Variants in ZNF112 observed in about 807,000 individuals in gnomAD.
The protein encoded by ZNF112 is zinc finger protein 112 (Y14).
A neutral mutation model predicts 77.7 loss-of-function variants in ZNF112; 37 were observed. The ratio of observed to expected loss-of-function variants is 0.48; its 90% CI spans 0.37 to 0.63. The LOEUF (loss-of-function observed/expected upper bound fraction) is 0.63, where lower values mean the gene tolerates loss of function less well. Ranked by LOEUF, ZNF112 falls within the 20% of genes least tolerant of loss-of-function variation. ZNF112 has a pLI of 0.00. For missense variants in ZNF112, 950 were observed against 1,077.4 expected (o/e 0.88, Z 1.66); for synonymous variants, 333 against 363.6 (o/e 0.92, Z 0.96).
In ZNF112 at chr19:44,329,024, T is replaced by C. The variant is rs1404346991; in HGVS notation, c.1133A>G (p.Asp378Gly). 1.9e-6 allele frequency: 3 copies of C among 1,613,936 alleles called. No homozygotes were observed. Among genetic ancestry groups the C allele is most frequent in the Admixed American group, 3.3e-5 (2 of 59,960 alleles). ...ATTTTCCTCATATTCATGGGGTTCA[T>C]CCCTAGTATGGACCCTAAAAATACT... is the stretch of plus-strand genomic sequence containing the variant. ...LNSIFRVHTRDEPHEYEENEN... is the reference protein window; with the variant it reads ...LNSIFRVHTRGEPHEYEENEN... The change falls in exon 4 of 4, where the codon GAT (aspartate) becomes GGT (glycine). Residue 378 changes from aspartate (D) to glycine (G), a missense_variant. Physicochemically the swap from Asp to Gly is moderately conservative, Grantham distance 94 (BLOSUM62 -1). This residue lies in a region of ZNF112 where 560 missense variants were observed against 557.3 expected (regional missense o/e 1.00). Transcript: ENST00000354340.
chr19:44,358,477 G>A (rs1219892837), upstream of ZNF112, among the ~76,000 whole-genome samples: 3 of 152,108 alleles, frequency 2.0e-5, no homozygotes, highest in Non-Finnish European at 2.9e-5. Context: ...CCAAAATTCA[G>A]AAACACTTGG....
chr19:44,347,389 G>A (rs1970610210), intron 1 of ZNF112, among the ~76,000 whole-genome samples: 1 of 151,392 alleles, frequency 6.6e-6, no homozygotes, highest in African/African-American at 2.4e-5. Context: ...TATTGATATA[G>A]CTGGGTTTCT....
upstream of ZNF112, among the ~76,000 whole-genome samples, chr19:44,360,643 A>G (rs1970846626): frequency 1.5e-5 from 2 of 129,416 alleles, no homozygotes; most frequent in South Asian, 2.4e-4. Context: ...TTTGAATTTT[A>G]TATGCATGCT....
upstream of ZNF112, among the ~76,000 whole-genome samples, chr19:44,360,125 A>T (rs1970840990): frequency 6.6e-6 from 1 of 151,372 alleles, no homozygotes; most frequent in Non-Finnish European, 1.5e-5. Context: ...GCATGGTGGC[A>T]CGTGCCTGTA....
chr19:44,345,997 GA>G (rs1320703621), intron 1 of ZNF112, among the ~76,000 whole-genome samples: 3 of 152,180 alleles, frequency 2.0e-5, no homozygotes, highest in Non-Finnish European at 4.4e-5. Context: ...CTTAGCTGAA[GA>G]AGAGACACAC....
exon 1 of ZNF112, chr19:44,367,092 C>T: frequency 2.2e-6 from 1 of 456,106 alleles, no homozygotes; most frequent in Non-Finnish European, 4.4e-6. Flanking sequence ...TGGGGCCCAA[C>T]CCCATCTTCC....
intron 1 of ZNF112, among the ~76,000 whole-genome samples, chr19:44,351,860 T>G (rs1248031978): frequency 6.6e-6 from 1 of 151,942 alleles, no homozygotes; most frequent in African/African-American, 2.4e-5. Context: ...TAACAGGCAT[T>G]AGAAATATAA....
In ZNF112 at chr19:44,336,707, A is replaced by T. The variant is rs1484041305; in HGVS notation, c.136T>A (p.Phe46Ile). The change falls in exon 3 of 4, where the codon TTC (phenylalanine) becomes ATC (isoleucine). Residue 46 changes from phenylalanine (F) to isoleucine (I), a missense_variant. This residue lies in a region of ZNF112 where 560 missense variants were observed against 557.3 expected (regional missense o/e 1.00). Coordinates refer to ENST00000354340, the MANE Select transcript of ZNF112 (RefSeq NM_013380.4). ...AGCTGGGATATTAGGTCTGGCTTGA[A>T]GGGCTGATGTGCTGTAAAGAAGGAA... The part of the protein sequence containing the change: ...RNLLLVAHQP[F>I]KPDLISQLER... The T allele has an allele frequency of 6.2e-7, 1 of 1,613,932 alleles. No homozygotes were observed. Among genetic ancestry groups the T allele is most frequent in the Admixed American group, 1.7e-5 (1 of 59,998 alleles).
chr19:44,346,840 C>A (rs1223378272), intron 1 of ZNF112, among the ~76,000 whole-genome samples: 1 of 152,144 alleles, frequency 6.6e-6, no homozygotes, highest in Non-Finnish European at 1.5e-5. Flanking sequence ...GAAGCATCTG[C>A]GAGCTCAAAG....
intron 2 of ZNF112, among the ~76,000 whole-genome samples, chr19:44,339,496 T>C (rs376829719): frequency 3.3e-5 from 5 of 152,178 alleles, no homozygotes; most frequent in African/African-American, 1.2e-4. Context: ...CAAATGAGCC[T>C]CTCTGGCTGG....
intron 1 of ZNF112, among the ~76,000 whole-genome samples, chr19:44,341,433 AT>A (rs1375738249): frequency 2.0e-5 from 3 of 152,384 alleles, no homozygotes; most frequent in Admixed American, 6.5e-5. Context: ...ATGCTGAAGA[AT>A]AATGACCTTT....
At chr19:44,340,148 G>GT (rs1568667915) in intron 2 of ZNF112, among the ~76,000 whole-genome samples, 1 of 151,946 alleles carries the variant, frequency 6.6e-6, no homozygotes, top group African/African-American at 2.4e-5. Flanking sequence ...AACAGTTACT[G>GT]GTGCCCTGAA....
rs1298752143 is a variant in ZNF112, at chr19:44,328,086, C to T, written c.2071G>A (p.Glu691Lys). ...CTCTGACTGAAACTCTTACCACACT[C>T]ATCACATTGGTATGGCTTCTCTCCC... ...HTGEKPYQCD[E>K]CGKSFSQRSY... The change falls in exon 4 of 4, where the codon GAG becomes AAG. Residue 691 changes from glutamate to lysine, a missense_variant. By Grantham distance (56) the Glu-to-Lys change is moderately conservative (BLOSUM62 1). Around this residue, in one of 3 missense-constraint regions of ZNF112, gnomAD observed 373 missense variants for 482.8 expected, o/e 0.77. Coordinates refer to ENST00000354340, the MANE Select transcript of ZNF112 (RefSeq NM_013380.4). The T allele has an allele frequency of 1.9e-6, 3 of 1,613,932 alleles. No homozygotes were observed. The highest frequency in any genetic ancestry group is 2.5e-6 in the Non-Finnish European group (3 of 1,180,006).
chr19:44,329,415 C>G lies in ZNF112; in HGVS notation c.742G>C (p.Glu248Gln). 1 of 1,614,032 alleles carries G rather than the reference C, an allele frequency of 6.2e-7. No individual in the cohort carries two copies. Among genetic ancestry groups the G allele is most frequent in the Non-Finnish European group, 8.5e-7 (1 of 1,179,970 alleles). Residue 248 changes from glutamate to glutamine, a missense_variant, in exon 4 of 4, where the codon GAG becomes CAG. Physicochemically the swap from Glu to Gln is conservative, Grantham distance 29 (BLOSUM62 2). This residue lies in a region of ZNF112 where 560 missense variants were observed against 557.3 expected (regional missense o/e 1.00). Transcript: ENST00000354340. Reference protein sequence around the residue: ...SLLNQESIQTEEKPYPCTGYR... With the variant: ...SLLNQESIQTQEKPYPCTGYR... ...CCAGTACATGGATAGGGCTTCTCCTCTGTTTGAATTGACTCCTGATTAAGT... is the reference window on the plus strand; with the variant it reads ...CCAGTACATGGATAGGGCTTCTCCTGTGTTTGAATTGACTCCTGATTAAGT...
At chr19:44,363,130 T>C (rs767694857) in intron 1 of ZNF112, among the ~76,000 whole-genome samples, 2 of 144,482 alleles carry the variant, frequency 1.4e-5, no homozygotes, top group Non-Finnish European at 3.0e-5. Context: ...CAATCACACA[T>C]GGCTAATTTT....
At chr19:44,347,485 A>AT (rs757226424) in intron 1 of ZNF112, among the ~76,000 whole-genome samples, 11,281 of 40,300 alleles carry the variant, frequency 0.28, 1,730 homozygotes, top group African/African-American at 0.41. Flanking sequence ...TTTTGGGTTG[A>AT]TTTTTTTTTT....
chr19:44,330,112 A>C (rs924927154), intron 3 of ZNF112, among the ~76,000 whole-genome samples, 176 bp from the exon 4 acceptor site: 3 of 152,198 alleles, frequency 2.0e-5, no homozygotes, highest in African/African-American at 7.2e-5. Context: ...TTACAGGTTG[A>C]GTATTCTCAA....
At position 44,328,268 on chromosome 19, in the gene ZNF112, G is replaced by C. The variant is rs757826588; in HGVS notation, c.1889C>G (p.Pro630Arg). 17 of 1,613,998 alleles carry C rather than the reference G, an allele frequency of 1.1e-5. No individual in the cohort carries two copies. Among genetic ancestry groups the C allele is most frequent in the Non-Finnish European group, 1.4e-5 (17 of 1,179,992 alleles). Residue 630 changes from proline to arginine, a missense_variant, in exon 4 of 4, where the codon CCA becomes CGA. Pro to Arg is a moderately radical substitution (Grantham distance 103). Coordinates refer to ENST00000354340, the MANE Select transcript of ZNF112 (RefSeq NM_013380.4). The stretch of plus-strand genomic sequence containing the variant: ...CTTCCCACATTCCTCACATTTGAAT[G>C]GTTTTTCTCCAGTGTGGACTCTCTG... ...GHQRVHTGEK[P>R]FKCEECGKGF...
chr19:44,353,017 T>G (rs1454435848), intron 1 of ZNF112, among the ~76,000 whole-genome samples: 2 of 152,030 alleles, frequency 1.3e-5, no homozygotes, highest in South Asian at 4.1e-4. Context: ...GGAACCAGAA[T>G]AGCTAAAAGC....
Sources: allele counts gnomAD v4.1 joint callset (sites outside exome capture counted in the v4.1 genomes callset), GRCh38; gene constraint gnomAD v4.1.1; regional missense constraint gnomAD v4.1.1; transcripts MANE v1.5; gene names NCBI Gene and HGNC (gene_info 2026-07-23, HGNC 2026-07-21).